Variants in KSR2 observed in about 807,000 individuals in gnomAD.
KSR2 encodes the protein kinase suppressor of ras 2.
In KSR2, 25 loss-of-function variants were observed where a neutral mutation model predicts 107.8. That is an observed-to-expected ratio of 0.23 (90% CI 0.17 to 0.32). KSR2 has a LOEUF of 0.32. Ranked by LOEUF, KSR2 falls within the 10% of genes least tolerant of loss-of-function variation. The probability of loss-of-function intolerance (pLI) is 1.00; values close to 1 mark genes in which losing one functional copy is unlikely to be tolerated. For synonymous variants in KSR2, 480 were observed against 507.0 expected, an observed-to-expected ratio of 0.95 and a Z score of 0.71; for missense variants, 887 against 1,268.9, an observed-to-expected ratio of 0.70 and a Z score of 4.57.
At chr12:117,622,252 A>C (rs1735159367) in intron 5 of KSR2, among the ~76,000 whole-genome samples, 1 of 152,026 alleles carries the variant, frequency 6.6e-6, no homozygotes, top group Admixed American at 6.6e-5. Flanking sequence ...CAGGATTTGG[A>C]ATGTGATTCA....
intron 4 of KSR2, among the ~76,000 whole-genome samples, chr12:117,716,425 T>C (rs1379830721): frequency 6.6e-6 from 1 of 152,212 alleles, no homozygotes; most frequent in Non-Finnish European, 1.5e-5. Flanking sequence ...TGAGATGTAC[T>C]CTAAGTATAC....
intron 5 of KSR2, among the ~76,000 whole-genome samples, chr12:117,595,405 C>T (rs889125135): frequency 1.3e-4 from 16 of 124,724 alleles, no homozygotes; most frequent in South Asian, 2.5e-4. Flanking sequence ...TTGCCCAGGC[C>T]GGACTGCGGA....
chr12:117,934,026 C>T (rs973201920), intron 1 of KSR2, among the ~76,000 whole-genome samples: 2 of 152,180 alleles, frequency 1.3e-5, no homozygotes, highest in Non-Finnish European at 1.5e-5. Context: ...TGAAACATCC[C>T]ACTCTGAATA....
chr12:117,698,248 A>G (rs906989791), intron 4 of KSR2, among the ~76,000 whole-genome samples: 2 of 151,958 alleles, frequency 1.3e-5, no homozygotes, highest in Admixed American at 1.3e-4. Flanking sequence ...AAATTAATAT[A>G]TCTCCTTGGT....
chr12:117,760,945 G>T, intron 4 of KSR2, 66 bp downstream of exon 4: 1 of 1,595,534 alleles, frequency 6.3e-7, no homozygotes, highest in South Asian at 1.1e-5. Flanking sequence ...CAGTTCCTGG[G>T]ACCAAGGGGC....
rs371834453 is a variant in KSR2, at chr12:117,518,051, G to C, written c.2219+6801C>G. On this transcript the variant is annotated intron_variant, in intron 14 of 19. Coordinates refer to ENST00000339824, the MANE Select transcript of KSR2 (RefSeq NM_173598.6). ...ATAAATAATCTATTAAGTAGTTCCT[G>C]ATATTTACTGGATTTAAAATGCTGT... 2.0e-5 allele frequency among the ~76,000 whole-genome samples: 3 copies of C among 152,324 alleles called. No homozygotes were observed. The East Asian group carries it at 5.8e-4, about 29-fold the overall frequency.
In KSR2 at chr12:117,579,172, C is replaced by T. The variant is rs760825042; in HGVS notation, c.1272G>A (p.Thr424=). The change falls in exon 7 of 20, where the codon ACG becomes ACA. Residue 424 remains threonine, a synonymous_variant. Transcript: ENST00000339824. ...RFSTKYWMSQ[T]CTVCGKGMLF... ...GCATCCCTTTCCCACAGACTGTGCA[C>T]GTCTGAGACATCCAGTACTTGGTGG... is the stretch of plus-strand genomic sequence containing the variant. The T allele has an allele frequency of 3.7e-5, 59 of 1,613,654 alleles. No individual in the cohort carries two copies. The South Asian group carries it at 4.8e-4, about 13-fold the overall frequency.
At chr12:117,851,417 C>T (rs557101680) in intron 3 of KSR2, among the ~76,000 whole-genome samples, 9 of 152,220 alleles carry the variant, frequency 5.9e-5, no homozygotes, top group East Asian at 1.9e-4. Flanking sequence ...CAAGGCGAAA[C>T]CTAGTCTCCA....
intron 5 of KSR2, among the ~76,000 whole-genome samples, chr12:117,666,096 T>C (rs1388830515): frequency 6.6e-6 from 1 of 152,192 alleles, no homozygotes; most frequent in Non-Finnish European, 1.5e-5. Flanking sequence ...TTGCTTGATT[T>C]AGAGCCTGCC....
At chr12:117,508,754 T>C (rs1873853201) in intron 14 of KSR2, among the ~76,000 whole-genome samples, 1 of 150,312 alleles carries the variant, frequency 6.7e-6, no homozygotes, top group Non-Finnish European at 1.5e-5. Flanking sequence ...AATGAGTGGA[T>C]GGGTAGGTTA....
intron 4 of KSR2, among the ~76,000 whole-genome samples, chr12:117,730,798 G>A (rs1887640901): frequency 6.6e-6 from 1 of 152,196 alleles, no homozygotes; most frequent in Non-Finnish European, 1.5e-5. Flanking sequence ...ACGGAGTCTC[G>A]CTCACTCAGT....
intron 1 of KSR2, among the ~76,000 whole-genome samples, chr12:117,874,470 C>T (rs1185975484): frequency 6.6e-6 from 1 of 152,100 alleles, no homozygotes; most frequent in Non-Finnish European, 1.5e-5. Context: ...TGACCTCAAG[C>T]AATCCTCCTG....
At chr12:117,957,963 C>A (rs1015938322) in intron 1 of KSR2, among the ~76,000 whole-genome samples, 5 of 152,068 alleles carry the variant, frequency 3.3e-5, no homozygotes, top group East Asian at 1.9e-4. Context: ...TCCCAAGTAG[C>A]TGGGATTACA....
intron 4 of KSR2, among the ~76,000 whole-genome samples, chr12:117,729,763 T>C (rs1253205481): frequency 6.6e-6 from 1 of 152,172 alleles, no homozygotes; most frequent in Admixed American, 6.5e-5. Flanking sequence ...CCCAGTCCTG[T>C]GTTAAACTGA....
intron 5 of KSR2, among the ~76,000 whole-genome samples, chr12:117,586,920 C>T (rs2136256260): frequency 6.6e-6 from 1 of 152,316 alleles, no homozygotes. Flanking sequence ...AATTTCATCT[C>T]CCTTTCACAG....
chr12:117,558,332 G>A (rs1165844657), intron 8 of KSR2, among the ~76,000 whole-genome samples, 174 bp downstream of exon 8: 2 of 152,156 alleles, frequency 1.3e-5, no homozygotes, highest in African/African-American at 2.4e-5. Context: ...AGGCATAGGG[G>A]AGGATAAAGG....
chr12:117,796,615 T>G (rs4766874), intron 3 of KSR2, among the ~76,000 whole-genome samples: 1 of 151,880 alleles, frequency 6.6e-6, no homozygotes, highest in Non-Finnish European at 1.5e-5. Context: ...TTACCAGGCA[T>G]GTACCCTTGA....
chr12:117,520,335 C>T (rs76373564), intron 14 of KSR2, among the ~76,000 whole-genome samples: 1,767 of 152,308 alleles, frequency 0.012, 32 homozygotes, highest in African/African-American at 0.041. Context: ...GAATCTGCTG[C>T]TTTTTTGGTT....
chr12:117,800,529 A>G (rs1890796182), intron 3 of KSR2, among the ~76,000 whole-genome samples: 1 of 152,192 alleles, frequency 6.6e-6, no homozygotes, highest in African/African-American at 2.4e-5. Flanking sequence ...GTATTAGTCC[A>G]TTCTCACATT....
Sources: allele counts gnomAD v4.1 joint callset (sites outside exome capture counted in the v4.1 genomes callset), GRCh38; gene constraint gnomAD v4.1.1; transcripts MANE v1.5; gene names NCBI Gene and HGNC (gene_info 2026-07-23, HGNC 2026-07-21).